Variants in SCML4 observed in about 807,000 individuals in gnomAD.
SCML4 encodes the protein sex comb on midleg-like protein 4.
SCML4 carries 34 observed loss-of-function variants against 41.1 expected under a neutral mutation model. That is an observed-to-expected ratio of 0.83 (90% confidence interval 0.63 to 1.10). SCML4 has a LOEUF of 1.10. SCML4 is among the 50% of genes least tolerant of loss of function. The pLI is 0.00. For missense variants in SCML4, 522 were observed against 534.1 expected (o/e 0.98, Z 0.22); for synonymous variants, 214 against 220.9 (o/e 0.97, Z 0.28).
At chr6:107,760,310 C>T (rs1366672398) in intron 2 of SCML4, among the ~76,000 whole-genome samples, 1 of 152,062 alleles carries the variant, frequency 6.6e-6, no homozygotes, top group East Asian at 1.9e-4. Flanking sequence ...ATAACCAGGC[C>T]AACATATAGG....
Position 107,737,648 on chromosome 6 carries a change from G to A in SCML4, c.682+7301C>T, listed in dbSNP as rs113551080. 1.5e-3 allele frequency among the ~76,000 whole-genome samples: 235 copies of A among 151,996 alleles called. 1 individual carries two copies. The highest frequency in any genetic ancestry group is 5.5e-3 in the African/African-American group (226 of 41,280). ...CTCTATCACTCAGGGTGTGGCCCCC[G>A]CCCTATCAGCTGCACCAATATCAGC... On this transcript the variant is annotated intron_variant, in intron 5 of 7. Coordinates refer to ENST00000369020, the MANE Select transcript of SCML4 (RefSeq NM_198081.5).
chr6:107,819,460 A>G (rs760824179), intron 1 of SCML4, among the ~76,000 whole-genome samples: 21 of 152,278 alleles, frequency 1.4e-4, no homozygotes, highest in Admixed American at 5.9e-4. Flanking sequence ...CAGTGTTGAC[A>G]CTATTTTTTC....
At chr6:107,719,970 T>G in intron 6 of SCML4, 1 of 985,478 alleles carries the variant, frequency 1.0e-6, no homozygotes, top group Non-Finnish European at 1.2e-6. Context: ...CCTTTAGCCC[T>G]TATAGCGCTT....
At chr6:107,816,706 G>C (rs1051056772) in intron 1 of SCML4, among the ~76,000 whole-genome samples, 2 of 152,224 alleles carry the variant, frequency 1.3e-5, no homozygotes, top group African/African-American at 4.8e-5. Context: ...TTCAGTCTAA[G>C]AATCCAGGCT....
the SCML4 span, among the ~76,000 whole-genome samples, chr6:107,836,038 T>C: frequency 6.6e-6 from 1 of 152,086 alleles, no homozygotes; most frequent in Non-Finnish European, 1.5e-5. Context: ...GGCTGGAGCA[T>C]CCTGCTCTGC....
chr6:107,798,594 T>C (rs1425346176), intron 1 of SCML4, among the ~76,000 whole-genome samples: 2 of 152,154 alleles, frequency 1.3e-5, no homozygotes, highest in East Asian at 1.9e-4. Flanking sequence ...TTTTAGTCTA[T>C]TGATTTTTGT....
At chr6:107,801,931 A>AT (rs11287590) in intron 1 of SCML4, among the ~76,000 whole-genome samples, 12,203 of 145,504 alleles carry the variant, frequency 0.084, 889 homozygotes, top group African/African-American at 0.21. Flanking sequence ...CACCTGGCTA[A>AT]TTTTTTTTTT....
chr6:107,726,556 G>A (rs1355493261), intron 5 of SCML4, among the ~76,000 whole-genome samples: 627 of 75,950 alleles, frequency 8.3e-3, no homozygotes, highest in African/African-American at 0.012. Context: ...AAAAAAAAAA[G>A]AATTATTCTA....
Position 107,702,309 on chromosome 6 carries a change from A to G in SCML4, c.*2891T>C, listed in dbSNP as rs1468156403. On this transcript the variant is annotated 3_prime_UTR_variant, in exon 8 of 8. Coordinates refer to ENST00000369020, the MANE Select transcript of SCML4 (RefSeq NM_198081.5). Reference sequence around the variant, plus strand: ...AGAAGTTCCACGTGAACATGGATCCAGTTTTCTCCAAGACTTGAAATGAGA... The same window carrying G: ...AGAAGTTCCACGTGAACATGGATCCGGTTTTCTCCAAGACTTGAAATGAGA... Among the ~76,000 whole-genome samples the G allele has an allele frequency of 1.3e-5, 2 of 152,230 alleles. No homozygotes were observed. Among genetic ancestry groups the G allele is most frequent in the Non-Finnish European group, 2.9e-5 (2 of 68,044 alleles).
At chr6:107,751,590 CTTTCTTTCTTTCTTTCTTT>C (rs1778644809) in intron 2 of SCML4, among the ~76,000 whole-genome samples, 1 of 128,526 alleles carries the variant, frequency 7.8e-6, no homozygotes, top group Non-Finnish European at 1.6e-5. Flanking sequence ...TTCTTTCTTT[CTTTCTTTCTTTCTTTCTTT>C]CTTTCTTTCT....
In SCML4 at chr6:107,778,242, T is replaced by A. The variant is rs1393093928; in HGVS notation, c.-59-5856A>T. On this transcript the variant is annotated intron_variant, in intron 1 of 7. Coordinates refer to ENST00000369020, the MANE Select transcript of SCML4 (RefSeq NM_198081.5). The stretch of plus-strand genomic sequence containing the variant: ...AAAAAAATATATATATATATATATA[T>A]ATATATATATATATATATATATAAC... 4.6e-3 allele frequency among the ~76,000 whole-genome samples: 89 copies of A among 19,334 alleles called. 4 individuals carry two copies. Among genetic ancestry groups the A allele is most frequent in the South Asian group, 0.015 (6 of 394 alleles). The allele number at this position is 19,334 out of a possible 152,430, so 12.7% of individuals were successfully genotyped here.
intron 1 of SCML4, among the ~76,000 whole-genome samples, chr6:107,810,680 A>G (rs1784095488): frequency 6.6e-6 from 1 of 152,230 alleles, no homozygotes; most frequent in Non-Finnish European, 1.5e-5. Context: ...GATCGCTTAT[A>G]GGGAAATAGA....
At chr6:107,733,988 G>T (rs111879013) in intron 5 of SCML4, among the ~76,000 whole-genome samples, 2 of 152,182 alleles carry the variant, frequency 1.3e-5, no homozygotes, top group South Asian at 2.1e-4. Context: ...GAGTGGGGGC[G>T]CCACATGAGG....
rs1273550689 is a variant in SCML4 at position 107,705,314 on chromosome 6, G to A, written c.1131C>T (p.Gly377=). The change falls in exon 8 of 8, where the codon GGC becomes GGT. Residue 377 remains glycine (G), a synonymous_variant. Transcript: ENST00000369020. ...VELFRKHEID[G]NALLLLKSDM... ...CACTCTTCAGCAACAGCAGAGCGTT[G>A]CCATCAATCTCCTGGTGGGATAGGA... 2 of 1,551,938 alleles carry A rather than the reference G, an allele frequency of 1.3e-6. No homozygotes were observed. Among genetic ancestry groups the A allele is most frequent in the Non-Finnish European group, 1.7e-6 (2 of 1,146,962 alleles).
At chr6:107,811,973 G>T (rs1331155265) in intron 1 of SCML4, among the ~76,000 whole-genome samples, 1 of 152,176 alleles carries the variant, frequency 6.6e-6, no homozygotes, top group Non-Finnish European at 1.5e-5. Flanking sequence ...TAGTGAGAGG[G>T]TTTCCAACAA....
intron 6 of SCML4, among the ~76,000 whole-genome samples, chr6:107,717,944 C>T (rs528796334): frequency 3.0e-4 from 45 of 152,316 alleles, no homozygotes; most frequent in African/African-American, 9.4e-4. Context: ...AGGTGGACTC[C>T]GTGTCTCTGA....
At chr6:107,753,784 C>T (rs1197538229) in intron 2 of SCML4, among the ~76,000 whole-genome samples, 1 of 152,020 alleles carries the variant, frequency 6.6e-6, no homozygotes, top group African/African-American at 2.4e-5. Flanking sequence ...GAACTGCTCA[C>T]ATGAAAGGGC....
At chr6:107,842,510 G>T in the SCML4 span, among the ~76,000 whole-genome samples, 4 of 152,196 alleles carry the variant, frequency 2.6e-5, no homozygotes, top group African/African-American at 9.7e-5. Flanking sequence ...CCATTCTCCT[G>T]CCTCAGCTTC....
At position 107,707,887 on chromosome 6, in the gene SCML4, G is replaced by C; in HGVS notation, c.1098C>G (p.His366Gln). 6.4e-7 allele frequency: 1 copy of C among 1,551,626 alleles called. No individual in the cohort carries two copies. Among genetic ancestry groups the C allele is most frequent in the Non-Finnish European group, 8.7e-7 (1 of 1,147,006 alleles). Residue 366 changes from histidine (H) to glutamine (Q), a missense_variant, in exon 7 of 8, where the codon CAC (histidine) becomes CAG (glutamine). Coordinates refer to ENST00000369020, the MANE Select transcript of SCML4 (RefSeq NM_198081.5). ...ATACGTGCTTTCTGAAGAGCTCCAC[G>C]TGAGGCCCCAGAGCCTGTGGGTCGG... is the stretch of plus-strand genomic sequence containing the variant. ...KDADPQALGP[H>Q]VELFRKHEID... is the part of the protein sequence containing the mutation.
Sources: gnomAD v4.1 joint callset for allele counts (sites outside exome capture counted in the v4.1 genomes callset) on GRCh38, gnomAD v4.1.1 for gene constraint, MANE v1.5 for transcripts, NCBI Gene and HGNC (gene_info 2026-07-23, HGNC 2026-07-21) for gene names.